Variants in PPM1L observed in about 807,000 individuals in gnomAD.
The protein encoded by PPM1L is protein phosphatase 1L.
A neutral mutation model predicts 31.4 loss-of-function variants in PPM1L; 13 were observed. The observed-to-expected ratio is 0.41, with a 90% CI of 0.27 to 0.66. The LOEUF is 0.66. Ranked by LOEUF, PPM1L falls within the 30% of genes least tolerant of loss-of-function variation. The pLI is 0.29. For missense variants in PPM1L, 326 were observed against 453.7 expected (o/e 0.72, Z 2.56); for synonymous variants, 184 against 175.4 (o/e 1.05, Z -0.39).
intron 1 of PPM1L, among the ~76,000 whole-genome samples, chr3:160,765,478 G>A (rs925648882): frequency 6.6e-6 from 1 of 152,138 alleles, no homozygotes; most frequent in African/African-American, 2.4e-5. Context: ...TGCTAACCTT[G>A]GTAGGTTGAT....
At chr3:160,885,336 A>G (rs1000072287) in intron 1 of PPM1L, among the ~76,000 whole-genome samples, 2 of 152,240 alleles carry the variant, frequency 1.3e-5, no homozygotes, top group Non-Finnish European at 2.9e-5. Context: ...GTAGCAGATC[A>G]TTGGAGAAGA....
intron 1 of PPM1L, among the ~76,000 whole-genome samples, chr3:160,891,994 C>G (rs146300827): frequency 1.5e-3 from 227 of 152,024 alleles, no homozygotes; most frequent in Admixed American, 3.4e-3. Flanking sequence ...CGGGGCCTGT[C>G]AGGGGGTGGA....
rs376079062 is a variant in PPM1L at position 160,961,761 on chromosome 3, G to A, written c.425G>A (p.Arg142Gln). The change falls in exon 2 of 4, where the codon CGA becomes CAA. Residue 142 changes from arginine to glutamine, a missense_variant. Physicochemically the swap from Arg to Gln is conservative, Grantham distance 43. This residue lies in a region of PPM1L where 201 missense variants were observed against 298.2 expected (regional missense o/e 0.67). Transcript: ENST00000498165. ...ACTGCAGCTGAATATGTAAAATCTCGACTCCCAGAGGCCCTTAAACAGCAT... is the reference window on the plus strand; with the variant it reads ...ACTGCAGCTGAATATGTAAAATCTCAACTCCCAGAGGCCCTTAAACAGCAT... ...GETAAEYVKS[R>Q]LPEALKQHLQ... is the part of the protein sequence containing the mutation. 2.2e-5 allele frequency: 34 copies of A among 1,580,762 alleles called. No individual in the cohort carries two copies. Among genetic ancestry groups the A allele is most frequent in the Non-Finnish European group, 2.9e-5 (34 of 1,168,046 alleles).
At chr3:160,897,042 C>CTTTT (rs11298068) in intron 1 of PPM1L, among the ~76,000 whole-genome samples, 2 of 107,438 alleles carry the variant, frequency 1.9e-5, no homozygotes, top group East Asian at 2.3e-4. Flanking sequence ...ACTACTGACT[C>CTTTT]TTTTTTTTTT....
chr3:160,842,011 C>G (rs1259043491), intron 1 of PPM1L, among the ~76,000 whole-genome samples: 2 of 151,890 alleles, frequency 1.3e-5, no homozygotes, highest in African/African-American at 4.8e-5. Flanking sequence ...AGGTCCTTAC[C>G]CTCAGGTAAC....
At chr3:160,953,249 G>T (rs1715630319) in intron 1 of PPM1L, among the ~76,000 whole-genome samples, 1 of 152,206 alleles carries the variant, frequency 6.6e-6, no homozygotes. Flanking sequence ...ATTGAGTATA[G>T]AGGCACTTTC....
At chr3:160,846,837 ATTG>A (rs1448059489) in intron 1 of PPM1L, among the ~76,000 whole-genome samples, 1 of 152,220 alleles carries the variant, frequency 6.6e-6, no homozygotes, top group Admixed American at 6.5e-5. Flanking sequence ...CTAATTCTAC[ATTG>A]TTATTTGTTA....
chr3:161,000,013 G>A (rs1394895969), intron 2 of PPM1L, among the ~76,000 whole-genome samples: 1 of 152,158 alleles, frequency 6.6e-6, no homozygotes, highest in Non-Finnish European at 1.5e-5. Context: ...TGCAGAGCTG[G>A]AATTGTCATG....
At chr3:160,893,272 C>A (rs954813218) in intron 1 of PPM1L, among the ~76,000 whole-genome samples, 1 of 152,060 alleles carries the variant, frequency 6.6e-6, no homozygotes, top group Admixed American at 6.6e-5. Context: ...GGCAGGGAAC[C>A]AATATAGGGA....
rs573195595 is a variant in PPM1L at position 160,851,035 on chromosome 3, C to A, written c.399+94328C>A. Among the ~76,000 whole-genome samples the A allele has an allele frequency of 3.7e-4, 56 of 152,180 alleles. No individual in the cohort carries two copies. In the South Asian group the frequency reaches 0.011, roughly 31 times the overall value. ...TCTCTAAAAGACATGCTTGTAAATACGGTCATTTTTATACCTTTTTAATTT... is the reference window on the plus strand; with the variant it reads ...TCTCTAAAAGACATGCTTGTAAATAAGGTCATTTTTATACCTTTTTAATTT... On this transcript the variant is annotated intron_variant, in intron 1 of 3. Coordinates refer to ENST00000498165, the MANE Select transcript of PPM1L (RefSeq NM_139245.4).
In PPM1L at chr3:160,951,728, G is replaced by A. The variant is rs373730278; in HGVS notation, c.400-10008G>A. On this transcript the variant is annotated intron_variant, in intron 1 of 3. Coordinates refer to ENST00000498165, the MANE Select transcript of PPM1L (RefSeq NM_139245.4). ...GGTTCGTCACATTAGGAATTCCAAA[G>A]GAATTGTCTGGGATAATCTGTAACT... is the stretch of plus-strand genomic sequence containing the variant. Among the ~76,000 whole-genome samples the A allele has an allele frequency of 2.1e-4, 32 of 152,292 alleles. No individual in the cohort carries two copies. The East Asian group carries it at 2.9e-3, about 14-fold the overall frequency.
At chr3:161,057,210 G>A (rs1189667386) in intron 2 of PPM1L, among the ~76,000 whole-genome samples, 2 of 152,114 alleles carry the variant, frequency 1.3e-5, no homozygotes, top group Admixed American at 6.5e-5. Flanking sequence ...GCAGCCATGA[G>A]ATGTGATGCC....
intron 1 of PPM1L, among the ~76,000 whole-genome samples, chr3:160,923,224 T>C (rs1013543400): frequency 1.1e-4 from 16 of 152,226 alleles, no homozygotes; most frequent in African/African-American, 3.6e-4. Flanking sequence ...ACTATAGATA[T>C]CATAGTAAAG....
At position 160,779,854 on chromosome 3, in the gene PPM1L, C is replaced by T. The variant is rs764231437; in HGVS notation, c.399+23147C>T. On this transcript the variant is annotated intron_variant, in intron 1 of 3. Coordinates refer to ENST00000498165, the MANE Select transcript of PPM1L (RefSeq NM_139245.4). Reference sequence around the variant, plus strand: ...GCCTCTGCTACCTTTTAGTTACCTGCCCTTTGGTAAGTTTTACTAGTTTTC... The same window carrying T: ...GCCTCTGCTACCTTTTAGTTACCTGTCCTTTGGTAAGTTTTACTAGTTTTC... Among the ~76,000 whole-genome samples, 58 of 152,014 alleles carry T rather than the reference C, an allele frequency of 3.8e-4. 1 individual carries two copies. The highest frequency in any genetic ancestry group is 1.0e-4 in the Non-Finnish European group (7 of 67,994).
intron 2 of PPM1L, among the ~76,000 whole-genome samples, chr3:161,047,558 A>C (rs956051453): frequency 2.0e-5 from 3 of 152,216 alleles, no homozygotes; most frequent in African/African-American, 7.2e-5. Context: ...GCTACCAATG[A>C]CTTTCTTCAC....
rs1032878158 is a variant in PPM1L at position 160,973,767 on chromosome 3, T to G, written c.574+11857T>G. On this transcript the variant is annotated intron_variant, in intron 2 of 3. Transcript: ENST00000498165. ...AAATTGCCTTCTGAAAGGCCCTGTT[T>G]TTTTTTTTTTTTTTTTTTTTTTTTT... 4.2e-3 allele frequency among the ~76,000 whole-genome samples: 177 copies of G among 42,324 alleles called. 3 individuals carry two copies. Among genetic ancestry groups the G allele is most frequent in the Admixed American group, 0.041 (149 of 3,678 alleles). The allele number at this position is 42,324 out of a possible 152,430, so 27.8% of individuals were successfully genotyped here. A position where few individuals can be genotyped will look rare whatever the true frequency, so the allele number is the denominator to read the frequency against.
At chr3:160,843,320 C>G (rs1211463431) in intron 1 of PPM1L, among the ~76,000 whole-genome samples, 1 of 150,108 alleles carries the variant, frequency 6.7e-6, no homozygotes, top group Non-Finnish European at 1.5e-5. Flanking sequence ...ACCCGCGGTC[C>G]ATGTGCCATA....
chr3:160,984,938 G>A (rs1716916471), intron 2 of PPM1L, among the ~76,000 whole-genome samples: 1 of 152,094 alleles, frequency 6.6e-6, no homozygotes, highest in Admixed American at 6.6e-5. Flanking sequence ...TGTCTAGTGG[G>A]TAGAACCCAA....
chr3:160,807,682 G>T (rs1361143852), intron 1 of PPM1L, among the ~76,000 whole-genome samples: 1 of 152,058 alleles, frequency 6.6e-6, no homozygotes, highest in African/African-American at 2.4e-5. Context: ...TGAGCTCATG[G>T]TTAGTTTGGA....
Sources: allele counts gnomAD v4.1 joint callset (sites outside exome capture counted in the v4.1 genomes callset), GRCh38; gene constraint gnomAD v4.1.1; regional missense constraint gnomAD v4.1.1; transcripts MANE v1.5; gene names NCBI Gene and HGNC (gene_info 2026-07-23, HGNC 2026-07-21).